RNF220: variants seen among roughly 807,000 people sequenced by gnomAD.
RNF220 encodes the protein ring finger protein 220, also known as E3 ubiquitin-protein ligase RNF220.
A neutral mutation model predicts 67.1 loss-of-function variants in RNF220; 7 were observed. That is an observed-to-expected ratio of 0.10 (90% confidence interval 0.06 to 0.20). The LOEUF is 0.20. Ranked by LOEUF, RNF220 falls within the 10% of genes least tolerant of loss-of-function variation. The pLI is 1.00. For synonymous variants in RNF220, 270 were observed against 283.2 expected (o/e 0.95, Z 0.47); for missense variants, 565 against 740.3 (o/e 0.76, Z 2.75).
Position 44,622,843 on chromosome 1 carries a change from A to C in RNF220, c.804+56A>C. The C allele has an allele frequency of 6.7e-7, 1 of 1,488,980 alleles. No homozygotes were observed. Among genetic ancestry groups the C allele is most frequent in the East Asian group, 2.3e-5 (1 of 44,120 alleles). 92.2% of individuals were successfully genotyped at this position (1,488,980 alleles called of 1,614,324 possible). A position where few individuals can be genotyped will look rare whatever the true frequency, so the allele number is the denominator to read the frequency against. On this transcript the variant is annotated intron_variant, in intron 4 of 14. Transcript: ENST00000361799. The surrounding 1 kb of genome is among the most constrained non-coding windows in gnomAD (Gnocchi z 4.3). ...CCCATACTAACCTAGGCCTACCCAG[A>C]ACTGGTTCCTCCTGAGAAAAAGGAG...
Position 44,430,773 on chromosome 1 carries a change from C to T in RNF220, c.625+18051C>T, listed in dbSNP as rs567734083. Among the ~76,000 whole-genome samples, 301 of 152,326 alleles carry T rather than the reference C, an allele frequency of 2.0e-3. 1 individual carries two copies. Among genetic ancestry groups the T allele is most frequent in the African/African-American group, 6.9e-3 (286 of 41,562 alleles). The stretch of plus-strand genomic sequence containing the variant: ...TCTTGGCCAGGCTGGTCTTGAACTC[C>T]TGATGTCGTGATCCGCCCACCTTGG... On this transcript the variant is annotated intron_variant, in intron 2 of 14. Coordinates refer to ENST00000361799, the MANE Select transcript of RNF220 (RefSeq NM_018150.4).
chr1:44,618,385 G>A (rs1245021940), intron 3 of RNF220, among the ~76,000 whole-genome samples: 1 of 152,220 alleles, frequency 6.6e-6, no homozygotes, highest in Non-Finnish European at 1.5e-5. Context: ...GTACATGGGT[G>A]CACAGACACT....
In RNF220 at chr1:44,645,333, G is replaced by A. The variant is rs2148508388; in HGVS notation, c.1366+57G>A. ...GGAGAGGGGGTATCCCTAGATGGTG[G>A]TGACTGACTCAAGCCCAACCCCTCA... On this transcript the variant is annotated intron_variant, in intron 11 of 14. Transcript: ENST00000361799. This position sits in a 1 kb window ranked among gnomAD's most constrained non-coding sequence, Gnocchi z 5.0. 1.2e-6 allele frequency: 2 copies of A among 1,613,286 alleles called. No individual in the cohort carries two copies. The highest frequency in any genetic ancestry group is 1.7e-6 in the Non-Finnish European group (2 of 1,179,252).
At chr1:44,495,471 G>A (rs1657257998) in intron 2 of RNF220, among the ~76,000 whole-genome samples, 1 of 152,192 alleles carries the variant, frequency 6.6e-6, no homozygotes, top group African/African-American at 2.4e-5. Flanking sequence ...AAATGGGGCT[G>A]GTACAGATTG....
intron 2 of RNF220, among the ~76,000 whole-genome samples, chr1:44,562,232 T>TA (rs1663626371): frequency 6.6e-6 from 1 of 152,044 alleles, no homozygotes; most frequent in South Asian, 2.1e-4. Flanking sequence ...CCCTGCTAGA[T>TA]ATAGGAAACC....
chr1:44,650,010 A>G lies in RNF220; in HGVS notation c.1629+53A>G. On this transcript the variant is annotated intron_variant, in intron 14 of 14. Transcript: ENST00000361799. This position sits in a 1 kb window ranked among gnomAD's most constrained non-coding sequence, Gnocchi z 4.3. The stretch of plus-strand genomic sequence containing the variant: ...GGAGGCCGCTCCGGGCACTGCCCAG[A>G]TGTCTGTGCTTATGCCTGAGCCTGC... 7.0e-6 allele frequency: 11 copies of G among 1,571,572 alleles called. No individual in the cohort carries two copies. Among genetic ancestry groups the G allele is most frequent in the Non-Finnish European group, 9.6e-6 (11 of 1,149,066 alleles).
At chr1:44,466,009 AT>A (rs1321941822) in intron 2 of RNF220, among the ~76,000 whole-genome samples, 1 of 152,098 alleles carries the variant, frequency 6.6e-6, no homozygotes, top group African/African-American at 2.4e-5. Context: ...TTTATGAAAG[AT>A]TTCCCTGTAG....
chr1:44,533,801 A>C (rs542898398), intron 2 of RNF220, among the ~76,000 whole-genome samples: 20 of 152,342 alleles, frequency 1.3e-4, no homozygotes, highest in African/African-American at 4.6e-4. Context: ...AAAGTGGATA[A>C]GCATTCTAAG....
intron 2 of RNF220, among the ~76,000 whole-genome samples, chr1:44,573,797 A>G (rs1664614264): frequency 6.6e-6 from 1 of 152,138 alleles, no homozygotes; most frequent in South Asian, 2.1e-4. Context: ...GTCCTCTTAG[A>G]GTTATTTTCC....
chr1:44,419,812 A>G lies in RNF220; in HGVS notation c.625+7090A>G, dbSNP rs563900628. On this transcript the variant is annotated intron_variant, in intron 2 of 14. Coordinates refer to ENST00000361799, the MANE Select transcript of RNF220 (RefSeq NM_018150.4). ...ATTTGTGAAATCACCTTTCTCAAATATAGACTTATTTTATTACTTGGGGTA... is the reference window on the plus strand; with the variant it reads ...ATTTGTGAAATCACCTTTCTCAAATGTAGACTTATTTTATTACTTGGGGTA... 5 of 152,362 alleles carry G rather than the reference A, an allele frequency of 3.3e-5. No individual in the cohort carries two copies. The East Asian group carries it at 9.6e-4, about 29-fold the overall frequency. The allele number at this position is 152,362 out of a possible 1,614,324, so 9.4% of individuals were successfully genotyped here. A position where few individuals can be genotyped will look rare whatever the true frequency, so the allele number is the denominator to read the frequency against.
At chr1:44,503,886 G>T (rs954266957) in intron 2 of RNF220, among the ~76,000 whole-genome samples, 3 of 151,876 alleles carry the variant, frequency 2.0e-5, no homozygotes, top group Non-Finnish European at 1.5e-5. Context: ...AGAGTCTGCT[G>T]TTGGCCAGGC....
intron 2 of RNF220, among the ~76,000 whole-genome samples, chr1:44,549,301 C>T (rs1662426631): frequency 6.6e-6 from 1 of 152,188 alleles, no homozygotes. Flanking sequence ...TAGCACAATG[C>T]CTTGCATATA....
intron 2 of RNF220, among the ~76,000 whole-genome samples, chr1:44,605,171 C>G (rs1667183746): frequency 6.6e-6 from 1 of 151,860 alleles, no homozygotes; most frequent in Non-Finnish European, 1.5e-5. Flanking sequence ...TGGTGGTGGG[C>G]ACCTATAGTC....
At position 44,649,305 on chromosome 1, in the gene RNF220, G is replaced by A; in HGVS notation, c.1446-356G>A. The stretch of plus-strand genomic sequence containing the variant: ...AAAGGCTGTCTGGAAAAAGTTAGTG[G>A]TGGAATTGGTGGAAGACATCTGAGA... On this transcript the variant is annotated intron_variant, in intron 12 of 14. Coordinates refer to ENST00000361799, the MANE Select transcript of RNF220 (RefSeq NM_018150.4). The surrounding 1 kb of genome is among the most constrained non-coding windows in gnomAD (Gnocchi z 5.9). 3.4e-6 allele frequency: 1 copy of A among 295,478 alleles called. No homozygotes were observed. Among genetic ancestry groups the A allele is most frequent in the South Asian group, 3.8e-5 (1 of 26,036 alleles). The allele number at this position is 295,478 out of a possible 1,614,324, so 18.3% of individuals were successfully genotyped here.
At chr1:44,499,169 G>T (rs1167549319) in intron 2 of RNF220, among the ~76,000 whole-genome samples, 2 of 152,052 alleles carry the variant, frequency 1.3e-5, no homozygotes, top group Admixed American at 1.3e-4. Flanking sequence ...TCTAGTAATT[G>T]TCTCCCTGAA....
At chr1:44,420,251 G>A (rs1229040389) in intron 2 of RNF220, among the ~76,000 whole-genome samples, 1 of 152,246 alleles carries the variant, frequency 6.6e-6, no homozygotes. Context: ...GGAGCTATGT[G>A]AGTGAAGAAG....
intron 2 of RNF220, among the ~76,000 whole-genome samples, chr1:44,465,847 T>C (rs1192930728): frequency 1.3e-5 from 2 of 152,224 alleles, no homozygotes; most frequent in Non-Finnish European, 2.9e-5. Flanking sequence ...ATGCTAATGA[T>C]CATCTGAGCC....
At chr1:44,560,340 GA>G (rs1314550513) in intron 2 of RNF220, among the ~76,000 whole-genome samples, 1 of 151,648 alleles carries the variant, frequency 6.6e-6, no homozygotes, top group Non-Finnish European at 1.5e-5. Context: ...TCCCAAACAG[GA>G]AAAAAAACAG....
chr1:44,445,457 C>T (rs769687539), intron 2 of RNF220, among the ~76,000 whole-genome samples: 1 of 152,136 alleles, frequency 6.6e-6, no homozygotes, highest in Non-Finnish European at 1.5e-5. Context: ...CTGTGAGATC[C>T]TTGATCATCT....
Sources: allele counts gnomAD v4.1 joint callset (sites outside exome capture counted in the v4.1 genomes callset), GRCh38; gene constraint gnomAD v4.1.1; non-coding constraint Gnocchi (gnomAD v3.1); transcripts MANE v1.5; gene names NCBI Gene and HGNC (gene_info 2026-07-23, HGNC 2026-07-21).